CEP112: variants seen among roughly 807,000 people sequenced by gnomAD.
The protein encoded by CEP112 is centrosomal protein 112.
A neutral mutation model predicts 153.0 loss-of-function variants in CEP112; 127 were observed. The ratio of observed to expected loss-of-function variants is 0.83; its 90% confidence interval spans 0.72 to 0.96. The LOEUF (loss-of-function observed/expected upper bound fraction) is 0.96, where lower values mean the gene tolerates loss of function less well. CEP112 is among the 40% of genes least tolerant of loss of function. The pLI is 0.00. For missense variants in CEP112, 1,089 were observed against 1,101.2 expected (o/e 0.99, Z 0.16); for synonymous variants, 358 against 374.4 (o/e 0.96, Z 0.51).
chr17:65,824,176 T>C lies in CEP112; in HGVS notation c.2394+27628A>G, dbSNP rs150774339. On this transcript the variant is annotated intron_variant, in intron 21 of 26. Transcript: ENST00000535342. ...CTTACCAACCCAGATATTTCCCAGC[T>C]GGAGAATGGATAAGTTTTGTACTCC... 7.9e-4 allele frequency among the ~76,000 whole-genome samples: 121 copies of C among 152,310 alleles called. 1 individual carries two copies. Among genetic ancestry groups the C allele is most frequent in the African/African-American group, 2.8e-3 (117 of 41,570 alleles).
chr17:65,702,098 ACTC>A (rs935764418), intron 23 of CEP112, among the ~76,000 whole-genome samples: 1 of 151,046 alleles, frequency 6.6e-6, no homozygotes, highest in African/African-American at 2.4e-5. Flanking sequence ...CTGGTGTTGA[ACTC>A]CTGACCTCAG....
At chr17:65,815,082 C>T (rs1335890865) in intron 21 of CEP112, among the ~76,000 whole-genome samples, 1 of 151,684 alleles carries the variant, frequency 6.6e-6, no homozygotes, top group African/African-American at 2.4e-5. Flanking sequence ...TTTCTGAGTC[C>T]AATTGAAGAA....
chr17:65,937,318 A>G (rs1470418299), intron 18 of CEP112, among the ~76,000 whole-genome samples: 1 of 91,432 alleles, frequency 1.1e-5, no homozygotes, highest in African/African-American at 5.5e-5. Context: ...CCGCCATCCC[A>G]TCTAGGAAGT....
intron 24 of CEP112, among the ~76,000 whole-genome samples, chr17:65,667,470 T>C (rs1451993042): frequency 6.6e-6 from 1 of 152,082 alleles, no homozygotes; most frequent in East Asian, 1.9e-4. Context: ...CCCACTATAA[T>C]GTGCTAGAAA....
At chr17:65,991,282 C>G (rs1441674006) in intron 17 of CEP112, among the ~76,000 whole-genome samples, 2 of 152,142 alleles carry the variant, frequency 1.3e-5, no homozygotes, top group African/African-American at 4.8e-5. Context: ...TCATACATGT[C>G]AAATATTTCC....
chr17:65,688,820 T>G (rs2047946681), intron 24 of CEP112: 1 of 208,096 alleles, frequency 4.8e-6, no homozygotes, highest in Non-Finnish European at 9.5e-6. Context: ...CAGGCTGGAG[T>G]GCAATGGTGC....
intron 17 of CEP112, among the ~76,000 whole-genome samples, chr17:65,987,029 G>C (rs1403897552): frequency 6.6e-6 from 1 of 152,054 alleles, no homozygotes; most frequent in African/African-American, 2.4e-5. Flanking sequence ...AAAAATACCA[G>C]TTGGAGACTA....
intron 21 of CEP112, among the ~76,000 whole-genome samples, chr17:65,779,015 AT>A (rs72464619): frequency 0.21 from 31,148 of 151,808 alleles, 3,303 homozygotes; most frequent in South Asian, 0.28. Flanking sequence ...AAAAAAAGGC[AT>A]TTTTTTGTCT....
chr17:65,723,472 G>A (rs918695253), intron 23 of CEP112, among the ~76,000 whole-genome samples: 6 of 152,174 alleles, frequency 3.9e-5, no homozygotes, highest in Admixed American at 1.3e-4. Context: ...TCTTGTAAGC[G>A]TTGTACAGGA....
At chr17:65,653,102 A>C (rs2045870687) in intron 24 of CEP112, among the ~76,000 whole-genome samples, 1 of 152,164 alleles carries the variant, frequency 6.6e-6, no homozygotes, top group Admixed American at 6.5e-5. Context: ...ATTACCTCCC[A>C]AAGGCCACCT....
intron 6 of CEP112, among the ~76,000 whole-genome samples, chr17:66,116,693 C>T (rs1291410940): frequency 1.3e-5 from 2 of 151,996 alleles, no homozygotes; most frequent in African/African-American, 4.8e-5. Context: ...TTCTTTATGC[C>T]TCAGTTAAAT....
chr17:65,821,514 T>TTATATATATATATATAATTATA (rs2056549962), intron 21 of CEP112, among the ~76,000 whole-genome samples: 2 of 50,166 alleles, frequency 4.0e-5, no homozygotes, highest in African/African-American at 1.6e-4. Context: ...ATATATATAA[T>TTATATATATATATATAATTATA]TATATATATA....
intron 6 of CEP112, among the ~76,000 whole-genome samples, chr17:66,108,738 T>C (rs887356203): frequency 6.6e-6 from 1 of 152,122 alleles, no homozygotes; most frequent in African/African-American, 2.4e-5. Flanking sequence ...AGAATTAACA[T>C]ATGATCCAGC....
At chr17:66,140,289 C>A (rs1191147036) in intron 4 of CEP112, among the ~76,000 whole-genome samples, 1 of 151,988 alleles carries the variant, frequency 6.6e-6, no homozygotes, top group African/African-American at 2.4e-5. Context: ...TAATAAAATG[C>A]ATATATGACA....
At chr17:66,095,864 C>A (rs1337089975) in intron 8 of CEP112, among the ~76,000 whole-genome samples, 2 of 151,786 alleles carry the variant, frequency 1.3e-5, no homozygotes, top group Non-Finnish European at 2.9e-5. Context: ...CACTTGAGGC[C>A]AACAGCTCAA....
chr17:65,772,762 G>A (rs1234120405), intron 21 of CEP112, among the ~76,000 whole-genome samples: 5 of 152,088 alleles, frequency 3.3e-5, no homozygotes, highest in Non-Finnish European at 7.4e-5. Context: ...AGAGACAGAT[G>A]AGTGAATAAA....
intron 4 of CEP112, among the ~76,000 whole-genome samples, chr17:66,159,681 A>G (rs1222571195): frequency 6.6e-6 from 1 of 152,234 alleles, no homozygotes; most frequent in Non-Finnish European, 1.5e-5. Flanking sequence ...TCAATAAACT[A>G]GGTATTGATG....
intron 21 of CEP112, among the ~76,000 whole-genome samples, chr17:65,815,686 T>C (rs968261286): frequency 2.0e-5 from 3 of 152,114 alleles, no homozygotes; most frequent in Admixed American, 1.3e-4. Context: ...CACAAAAGTT[T>C]AGTTGTCAGC....
intron 21 of CEP112, among the ~76,000 whole-genome samples, chr17:65,821,192 T>C (rs2056515871): frequency 6.6e-6 from 1 of 151,880 alleles, no homozygotes; most frequent in African/African-American, 2.4e-5. Context: ...AGTGCAGTGA[T>C]ACAGGCTATG....
Sources: allele counts gnomAD v4.1 joint callset (sites outside exome capture counted in the v4.1 genomes callset), GRCh38; gene constraint gnomAD v4.1.1; transcripts MANE v1.5; gene names NCBI Gene and HGNC (gene_info 2026-07-23, HGNC 2026-07-21).